The following CELF2 variants were observed in gnomAD, a reference collection of about 807,000 sequenced individuals.
CELF2 encodes CUGBP Elav-like family member 2, also known as CUG triplet repeat RNA-binding protein 2.
In CELF2, 8 loss-of-function variants were observed where a neutral mutation model predicts 62.6. The ratio of observed to expected loss-of-function variants is 0.13; its 90% CI spans 0.07 to 0.23. The LOEUF is 0.23. Ranked by LOEUF, CELF2 falls within the 10% of genes least tolerant of loss-of-function variation. CELF2 has a pLI of 1.00. For missense variants in CELF2, 333 were observed against 671.0 expected, an observed-to-expected ratio of 0.50 and a Z score of 5.56; for synonymous variants, 258 against 250.0, an observed-to-expected ratio of 1.03 and a Z score of -0.30.
chr10:11,277,801 C>T (rs2086694232), intron 8 of CELF2, among the ~76,000 whole-genome samples: 1 of 152,192 alleles, frequency 6.6e-6, no homozygotes, highest in Non-Finnish European at 1.5e-5. Flanking sequence ...TTATCCCAAA[C>T]ACCACCTGAT....
the CELF2 span, among the ~76,000 whole-genome samples, chr10:10,554,960 A>G: frequency 3.2e-3 from 488 of 152,268 alleles, 4 homozygotes; most frequent in Middle Eastern, 6.8e-3. Flanking sequence ...GAGTGTATGT[A>G]TTTGGTACAG....
the CELF2 span, among the ~76,000 whole-genome samples, chr10:10,600,293 C>T: frequency 6.6e-6 from 1 of 152,198 alleles, no homozygotes; most frequent in Non-Finnish European, 1.5e-5. Context: ...GAGTCAATTA[C>T]CAAAGTCTAT....
At chr10:11,310,238 C>G (rs148149719) in intron 9 of CELF2, among the ~76,000 whole-genome samples, 87 of 152,286 alleles carry the variant, frequency 5.7e-4, no homozygotes, top group African/African-American at 2.0e-3. Context: ...TGTTGGTAGT[C>G]TCCCCCTCCC....
chr10:10,616,683 TGTGTGTGC>T, the CELF2 span, among the ~76,000 whole-genome samples: 492 of 133,064 alleles, frequency 3.7e-3, 3 homozygotes, highest in African/African-American at 0.014. Flanking sequence ...TTCGTGTGTG[TGTGTGTGC>T]GTGTGTGTGT....
At chr10:10,805,942 A>G (rs1183805746) in intron 1 of CELF2, among the ~76,000 whole-genome samples, 3 of 152,168 alleles carry the variant, frequency 2.0e-5, no homozygotes, top group African/African-American at 7.2e-5. Flanking sequence ...GGGCCTTTCT[A>G]TGGAAACAAA....
chr10:10,889,878 A>AC (rs2062011192), intron 1 of CELF2, among the ~76,000 whole-genome samples: 1 of 152,156 alleles, frequency 6.6e-6, no homozygotes, highest in Non-Finnish European at 1.5e-5. Flanking sequence ...ATTTTCGGGG[A>AC]CCATTTTTCT....
the CELF2 span, among the ~76,000 whole-genome samples, chr10:10,713,544 G>A: frequency 6.6e-6 from 1 of 152,244 alleles, no homozygotes; most frequent in Non-Finnish European, 1.5e-5. Flanking sequence ...GAGAATTGCA[G>A]ATAATCACCT....
chr10:10,758,377 T>C, the CELF2 span, among the ~76,000 whole-genome samples: 1 of 152,222 alleles, frequency 6.6e-6, no homozygotes, highest in African/African-American at 2.4e-5. Flanking sequence ...TATAAGGAAT[T>C]ATCAGCACTA....
chr10:11,317,810 G>A (rs2095141251), intron 10 of CELF2: 1 of 152,250 alleles, frequency 6.6e-6, no homozygotes, highest in Non-Finnish European at 1.5e-5. Context: ...AAACTCAGTA[G>A]TCAGGCTGCG....
At chr10:10,532,876 G>C in the CELF2 span, among the ~76,000 whole-genome samples, 2 of 89,792 alleles carry the variant, frequency 2.2e-5, no homozygotes, top group Non-Finnish European at 4.4e-5. Flanking sequence ...TTCTCAAAGA[G>C]ACAAAATCTC....
At chr10:10,756,389 T>C in the CELF2 span, among the ~76,000 whole-genome samples, 1 of 152,232 alleles carries the variant, frequency 6.6e-6, no homozygotes, top group Non-Finnish European at 1.5e-5. Flanking sequence ...AGTCATTCTG[T>C]TTGAGATAGA....
chr10:10,869,329 C>T (rs2133332701), intron 1 of CELF2, among the ~76,000 whole-genome samples: 1 of 152,174 alleles, frequency 6.6e-6, no homozygotes, highest in East Asian at 1.9e-4. Context: ...TTTGGGAGGC[C>T]AAGGCGGGCA....
chr10:10,595,493 C>T, the CELF2 span, among the ~76,000 whole-genome samples: 21 of 152,068 alleles, frequency 1.4e-4, no homozygotes, highest in Non-Finnish European at 4.4e-5. Flanking sequence ...AACAGTGGAC[C>T]AAATTGAAGA....
At chr10:11,250,003 C>T (rs2076671381) in intron 4 of CELF2, among the ~76,000 whole-genome samples, 1 of 152,232 alleles carries the variant, frequency 6.6e-6, no homozygotes, top group Non-Finnish European at 1.5e-5. Context: ...TTTTGCACCT[C>T]ATTAATTAGT....
chr10:11,011,427 A>T lies in CELF2; in HGVS notation c.53+5987A>T, dbSNP rs2137447228. On this transcript the variant is annotated intron_variant, in intron 1 of 12. Coordinates refer to the CELF2 transcript ENST00000416382. The surrounding 1 kb of genome is among the most constrained non-coding windows in gnomAD (Gnocchi z 4.6). Reference sequence around the variant, plus strand: ...TGGAGGTGGGTGAGGGGGAGAGGGAAGGTGTCATTAGGACACCCTGAATTC... The same window carrying T: ...TGGAGGTGGGTGAGGGGGAGAGGGATGGTGTCATTAGGACACCCTGAATTC... 6.6e-6 allele frequency among the ~76,000 whole-genome samples: 1 copy of T among 151,470 alleles called. No homozygotes were observed. Among genetic ancestry groups the T allele is most frequent in the Non-Finnish European group, 1.5e-5 (1 of 67,890 alleles).
At chr10:11,136,318 C>T (rs1349120409) in intron 1 of CELF2, among the ~76,000 whole-genome samples, 3 of 152,160 alleles carry the variant, frequency 2.0e-5, no homozygotes, top group Non-Finnish European at 4.4e-5. Flanking sequence ...AAAAGTTAAA[C>T]TTGGCCGGGC....
At chr10:10,918,360 C>T (rs1016741140) in intron 1 of CELF2, among the ~76,000 whole-genome samples, 4 of 152,184 alleles carry the variant, frequency 2.6e-5, no homozygotes, top group South Asian at 2.1e-4. Context: ...ACAATACCTT[C>T]AATTCTGGTT....
At chr10:11,239,245 C>T (rs976071399) in intron 3 of CELF2, among the ~76,000 whole-genome samples, 47 of 151,826 alleles carry the variant, frequency 3.1e-4, no homozygotes, top group African/African-American at 1.0e-3. Context: ...CTTTGGTGTA[C>T]GACGTGATTT....
chr10:11,078,051 G>T (rs2072642460), intron 1 of CELF2, among the ~76,000 whole-genome samples: 1 of 152,128 alleles, frequency 6.6e-6, no homozygotes, highest in African/African-American at 2.4e-5. Context: ...CAGACCATTT[G>T]CTTCTGGTTT....
Sources: allele counts gnomAD v4.1 joint callset (sites outside exome capture counted in the v4.1 genomes callset), GRCh38; gene constraint gnomAD v4.1.1; non-coding constraint Gnocchi (gnomAD v3.1); transcripts MANE v1.5; gene names NCBI Gene and HGNC (gene_info 2026-07-23, HGNC 2026-07-21).